The following GALNTL6 variants were observed in gnomAD, a reference collection of about 807,000 sequenced individuals.
The protein encoded by GALNTL6 is polypeptide N-acetylgalactosaminyltransferase like 6.
Under a neutral mutation model 73.7 loss-of-function variants are expected in GALNTL6, and 46 were observed. The observed-to-expected ratio is 0.62, with a 90% CI of 0.49 to 0.80. The LOEUF (loss-of-function observed/expected upper bound fraction) is 0.80. Ranked by LOEUF, GALNTL6 falls within the 30% of genes least tolerant of loss-of-function variation. The pLI is 0.00. For synonymous variants in GALNTL6, 259 were observed against 263.7 expected, an observed-to-expected ratio of 0.98 and a Z score of 0.17; for missense variants, 604 against 755.0, an observed-to-expected ratio of 0.80 and a Z score of 2.34.
chr4:172,536,330 A>C (rs570715035), intron 5 of GALNTL6, among the ~76,000 whole-genome samples: 1 of 152,352 alleles, frequency 6.6e-6, no homozygotes, highest in South Asian at 2.1e-4. Flanking sequence ...GGAATTAGGT[A>C]ACAATCAGAG....
chr4:172,474,366 A>G (rs188896276), intron 5 of GALNTL6, among the ~76,000 whole-genome samples: 115 of 152,242 alleles, frequency 7.6e-4, no homozygotes, highest in Middle Eastern at 3.4e-3. Flanking sequence ...TTAATCTACT[A>G]TACAATTTAA....
chr4:172,755,047 G>T (rs1737665747), intron 5 of GALNTL6, among the ~76,000 whole-genome samples: 1 of 152,040 alleles, frequency 6.6e-6, no homozygotes. Flanking sequence ...CTGCACTAGA[G>T]TCCATTTGTC....
intron 5 of GALNTL6, among the ~76,000 whole-genome samples, chr4:172,778,075 A>C (rs1213968865): frequency 6.6e-6 from 1 of 152,288 alleles, no homozygotes; most frequent in Admixed American, 6.5e-5. Flanking sequence ...CATTCCATAA[A>C]TATAAATTAG....
At chr4:172,703,630 C>T (rs1360102543) in intron 5 of GALNTL6, among the ~76,000 whole-genome samples, 1 of 151,924 alleles carries the variant, frequency 6.6e-6, no homozygotes, top group East Asian at 1.9e-4. Flanking sequence ...CTATCTTTAT[C>T]AGGGATATTG....
At chr4:172,301,167 G>A (rs1739901230) in intron 3 of GALNTL6, among the ~76,000 whole-genome samples, 2 of 152,136 alleles carry the variant, frequency 1.3e-5, no homozygotes, top group African/African-American at 4.8e-5. Flanking sequence ...ATTGGCTACT[G>A]AGGCTTGTGC....
chr4:172,464,696 G>A (rs986863693), intron 5 of GALNTL6, among the ~76,000 whole-genome samples: 2 of 151,594 alleles, frequency 1.3e-5, no homozygotes, highest in South Asian at 2.1e-4. Flanking sequence ...GAGACAGAGT[G>A]AGACTCTGTC....
At chr4:172,544,285 A>G (rs1579172971) in intron 5 of GALNTL6, among the ~76,000 whole-genome samples, 1 of 152,240 alleles carries the variant, frequency 6.6e-6, no homozygotes, top group South Asian at 2.1e-4. Context: ...AGGAAACACA[A>G]TATACTAATT....
chr4:172,415,773 G>C (rs1417058988), intron 5 of GALNTL6, among the ~76,000 whole-genome samples: 1 of 152,086 alleles, frequency 6.6e-6, no homozygotes, highest in African/African-American at 2.4e-5. Flanking sequence ...GGTTGTGATC[G>C]ATTGAGCAAG....
chr4:171,977,865 A>C (rs775343853), intron 2 of GALNTL6, among the ~76,000 whole-genome samples: 23 of 152,200 alleles, frequency 1.5e-4, no homozygotes, highest in Non-Finnish European at 2.5e-4. Flanking sequence ...TAATTTTTAA[A>C]TCTATAATCA....
intron 5 of GALNTL6, among the ~76,000 whole-genome samples, chr4:172,690,644 G>A (rs1365829998): frequency 6.6e-6 from 1 of 152,094 alleles, no homozygotes; most frequent in Non-Finnish European, 1.5e-5. Context: ...ACATTATAGT[G>A]GATTACTCTC....
At chr4:172,279,224 A>C (rs1052284394) in intron 3 of GALNTL6, among the ~76,000 whole-genome samples, 1 of 152,160 alleles carries the variant, frequency 6.6e-6, no homozygotes, top group African/African-American at 2.4e-5. Context: ...AAATTGGACT[A>C]CATCAAAATT....
intron 2 of GALNTL6, among the ~76,000 whole-genome samples, chr4:171,847,610 T>C (rs1735409004): frequency 6.6e-6 from 1 of 152,196 alleles, no homozygotes; most frequent in South Asian, 2.1e-4. Flanking sequence ...ACCCCGACAC[T>C]GCTTTATCAA....
chr4:172,875,873 TC>T (rs566203908), intron 7 of GALNTL6, among the ~76,000 whole-genome samples: 1 of 152,094 alleles, frequency 6.6e-6, no homozygotes, highest in Non-Finnish European at 1.5e-5. Flanking sequence ...CAGCATCTTA[TC>T]CATTTACCTC....
intron 5 of GALNTL6, among the ~76,000 whole-genome samples, chr4:172,516,752 G>T (rs981048924): frequency 6.6e-6 from 1 of 152,150 alleles, no homozygotes; most frequent in Non-Finnish European, 1.5e-5. Context: ...AGCATCATTA[G>T]TCATAATAGC....
chr4:172,956,950 T>C (rs1749780185), intron 10 of GALNTL6, among the ~76,000 whole-genome samples: 2 of 152,108 alleles, frequency 1.3e-5, no homozygotes, highest in Admixed American at 1.3e-4. Flanking sequence ...TAGGACTGTA[T>C]AGAGGTGGGA....
intron 7 of GALNTL6, among the ~76,000 whole-genome samples, chr4:172,880,805 G>C (rs1008537020): frequency 2.6e-5 from 4 of 152,066 alleles, no homozygotes; most frequent in Non-Finnish European, 4.4e-5. Flanking sequence ...ATCAGTAAAG[G>C]TACAGAAGAT....
intron 2 of GALNTL6, among the ~76,000 whole-genome samples, chr4:172,113,355 C>T (rs1260316492): frequency 6.6e-6 from 1 of 151,880 alleles, no homozygotes; most frequent in East Asian, 1.9e-4. Flanking sequence ...GAAAATTACA[C>T]AGAAAATAAC....
At chr4:172,369,984 G>A (rs1213138937) in intron 5 of GALNTL6, among the ~76,000 whole-genome samples, 8 of 152,202 alleles carry the variant, frequency 5.3e-5, no homozygotes, top group Non-Finnish European at 7.3e-5. Flanking sequence ...CCAAGGAGGC[G>A]CCGAGAGCGA....
intron 2 of GALNTL6, among the ~76,000 whole-genome samples, chr4:172,115,933 C>T (rs1273250795): frequency 2.6e-5 from 4 of 151,688 alleles, no homozygotes; most frequent in Non-Finnish European, 4.4e-5. Flanking sequence ...TTCAGATAAG[C>T]CTCTAAATAT....
Sources: allele counts gnomAD v4.1 joint callset (sites outside exome capture counted in the v4.1 genomes callset), GRCh38; gene constraint gnomAD v4.1.1; transcripts MANE v1.5; gene names NCBI Gene and HGNC (gene_info 2026-07-23, HGNC 2026-07-21).